The following PTPRD variants were observed in gnomAD, a reference collection of about 807,000 sequenced individuals.
PTPRD encodes receptor-type tyrosine-protein phosphatase delta.
Under a neutral mutation model 214.5 loss-of-function variants are expected in PTPRD, and 34 were observed. The ratio of observed to expected loss-of-function variants is 0.16; its 90% CI spans 0.12 to 0.21. The LOEUF (loss-of-function observed/expected upper bound fraction) is 0.21. Ranked by LOEUF, PTPRD falls within the 10% of genes least tolerant of loss-of-function variation. The pLI is 1.00. For synonymous variants in PTPRD, 1,128 were observed against 845.7 expected, an observed-to-expected ratio of 1.33 and a Z score of -5.79; for missense variants, 2,545 against 2,398.7, an observed-to-expected ratio of 1.06 and a Z score of -1.27.
chr9:8,845,520 C>T (rs1482123612), intron 11 of PTPRD, among the ~76,000 whole-genome samples: 1 of 152,210 alleles, frequency 6.6e-6, no homozygotes, highest in Non-Finnish European at 1.5e-5. Context: ...AGCTGTTTGG[C>T]ATGAAAGACA....
At position 9,302,222 on chromosome 9, in the gene PTPRD, T is replaced by C. The variant is rs1476719284; in HGVS notation, c.-203+95227A>G. On this transcript the variant is annotated intron_variant, in intron 9 of 45. Coordinates refer to ENST00000381196, the MANE Select transcript of PTPRD (RefSeq NM_002839.4). ...TTTAAATTGCTTTTTTTCCCGAAAA[T>C]ATGTTATGGCATTTCCTTCTGGCCC... Among the ~76,000 whole-genome samples, 3 of 152,016 alleles carry C rather than the reference T, an allele frequency of 2.0e-5. No individual in the cohort carries two copies. The East Asian group carries it at 5.8e-4, about 30-fold the overall frequency.
chr9:10,209,633 T>C (rs1469279061), intron 3 of PTPRD, among the ~76,000 whole-genome samples: 1 of 152,074 alleles, frequency 6.6e-6, no homozygotes, highest in Non-Finnish European at 1.5e-5. Flanking sequence ...TTATACTATA[T>C]GATTTTCTTT....
intron 2 of PTPRD, among the ~76,000 whole-genome samples, chr9:10,569,319 G>A (rs1162591737): frequency 1.3e-5 from 2 of 152,004 alleles, no homozygotes; most frequent in African/African-American, 2.4e-5. Context: ...TCTCCAGAAG[G>A]CTCACAGCCA....
intron 2 of PTPRD, among the ~76,000 whole-genome samples, chr9:10,512,187 C>CATA (rs35698566): frequency 1.3e-5 from 2 of 150,904 alleles, no homozygotes; most frequent in Non-Finnish European, 2.9e-5. Context: ...ACAAAAAAAG[C>CATA]TTATTTACCT....
At chr9:9,114,992 C>T (rs561789084) in intron 10 of PTPRD, among the ~76,000 whole-genome samples, 12 of 152,132 alleles carry the variant, frequency 7.9e-5, no homozygotes, top group South Asian at 4.2e-4. Flanking sequence ...CATGGTTGTG[C>T]GCAGATTTTA....
rs942881376 is a variant in PTPRD, at chr9:8,842,618, AC to A, written c.-103-108673del. 2.6e-4 allele frequency among the ~76,000 whole-genome samples: 39 copies of A among 152,008 alleles called. 2 individuals are homozygous for A. Among genetic ancestry groups the A allele is most frequent in the African/African-American group, 9.2e-4 (38 of 41,448 alleles). ...TGTTAGGCTCAGTACTGTCTCTACT[AC>A]TCTGTCTCTCATTCCCACCAAACTG... On this transcript the variant is annotated intron_variant, in intron 11 of 45. Coordinates refer to ENST00000381196, the MANE Select transcript of PTPRD (RefSeq NM_002839.4).
At chr9:9,560,540 G>A (rs1041370840) in intron 8 of PTPRD, among the ~76,000 whole-genome samples, 18 of 152,170 alleles carry the variant, frequency 1.2e-4, no homozygotes, top group African/African-American at 3.9e-4. Flanking sequence ...CATCCAAGCA[G>A]CACCACTGCC....
intron 2 of PTPRD, among the ~76,000 whole-genome samples, chr9:10,490,431 T>C (rs931644625): frequency 6.6e-6 from 1 of 152,194 alleles, no homozygotes; most frequent in Non-Finnish European, 1.5e-5. Context: ...GAAGGTCTTG[T>C]ATATTATGCT....
chr9:10,301,918 G>C (rs1488347161), intron 3 of PTPRD, among the ~76,000 whole-genome samples: 1 of 152,002 alleles, frequency 6.6e-6, no homozygotes, highest in African/African-American at 2.4e-5. Context: ...GAAATACAGA[G>C]AACACCACAA....
intron 11 of PTPRD, among the ~76,000 whole-genome samples, chr9:8,781,507 A>C (rs1266782051): frequency 2.0e-5 from 3 of 152,244 alleles, no homozygotes; most frequent in Non-Finnish European, 4.4e-5. Context: ...GTTTTAAAGT[A>C]AGAGTACAAC....
chr9:9,725,824 T>A (rs967880207), intron 7 of PTPRD, among the ~76,000 whole-genome samples: 1 of 152,158 alleles, frequency 6.6e-6, no homozygotes, highest in Non-Finnish European at 1.5e-5. Flanking sequence ...TACAAGAGAA[T>A]TCTTCTTTCA....
At chr9:9,988,106 T>C (rs1046905401) in intron 4 of PTPRD, among the ~76,000 whole-genome samples, 17 of 152,172 alleles carry the variant, frequency 1.1e-4, no homozygotes, top group African/African-American at 3.1e-4. Flanking sequence ...ATAGCTAAAT[T>C]TATCATAACT....
At chr9:9,111,265 T>C (rs1268477993) in intron 10 of PTPRD, among the ~76,000 whole-genome samples, 1 of 151,474 alleles carries the variant, frequency 6.6e-6, no homozygotes, top group African/African-American at 2.4e-5. Context: ...TTTTTTTTTT[T>C]TTTGATAGCT....
chr9:9,750,048 C>T (rs186973466), intron 6 of PTPRD, among the ~76,000 whole-genome samples: 125 of 152,094 alleles, frequency 8.2e-4, no homozygotes, highest in African/African-American at 2.6e-3. Context: ...AAAACAACTA[C>T]GAAAAATAAA....
At chr9:8,641,867 T>A (rs1294729586) in intron 12 of PTPRD, among the ~76,000 whole-genome samples, 2 of 152,220 alleles carry the variant, frequency 1.3e-5, no homozygotes, top group Non-Finnish European at 1.5e-5. Flanking sequence ...CATATCATGT[T>A]TCAAGTTGCT....
At position 8,836,064 on chromosome 9, in the gene PTPRD, A is replaced by C. The variant is rs983695844; in HGVS notation, c.-103-102118T>G. On this transcript the variant is annotated intron_variant, in intron 11 of 45. Transcript: ENST00000381196. ...TATATACCGGTTTAATTAATGCATA[A>C]ATTTCAGAGCAACATCGTCCGAATG... Among the ~76,000 whole-genome samples, 7 of 152,286 alleles carry C rather than the reference A, an allele frequency of 4.6e-5. No homozygotes were observed. The South Asian group carries it at 6.2e-4, about 14-fold the overall frequency.
At chr9:9,333,341 C>A (rs991624357) in intron 9 of PTPRD, among the ~76,000 whole-genome samples, 5 of 151,070 alleles carry the variant, frequency 3.3e-5, no homozygotes, top group African/African-American at 1.2e-4. Context: ...GCAAAGAATG[C>A]AAACAGGCAC....
chr9:10,132,789 T>C (rs1237552548), intron 3 of PTPRD, among the ~76,000 whole-genome samples: 1 of 152,150 alleles, frequency 6.6e-6, no homozygotes, highest in Admixed American at 6.5e-5. Flanking sequence ...AATCTGCACA[T>C]ACAAGTGATA....
intron 2 of PTPRD, among the ~76,000 whole-genome samples, chr9:10,369,068 C>T (rs1010312476): frequency 2.6e-5 from 4 of 151,936 alleles, no homozygotes; most frequent in East Asian, 3.9e-4. Flanking sequence ...TCAACTTAGG[C>T]ATGCACCATG....
Sources: gnomAD v4.1 joint callset for allele counts (sites outside exome capture counted in the v4.1 genomes callset) on GRCh38, gnomAD v4.1.1 for gene constraint, MANE v1.5 for transcripts, NCBI Gene and HGNC (gene_info 2026-07-23, HGNC 2026-07-21) for gene names.